SLC71A2: variants seen among roughly 807,000 people sequenced by gnomAD.
SLC71A2 encodes solute carrier family 71 member 2, also known as hippocampus abundant transcript-like 1.
chr9:94,449,807 A>G, the SLC71A2 span, among the ~76,000 whole-genome samples: 2 of 152,238 alleles, frequency 1.3e-5, no homozygotes, highest in African/African-American at 2.4e-5. Context: ...AGAAAGTAGA[A>G]TCAACTCAAA....
the SLC71A2 span, among the ~76,000 whole-genome samples, chr9:94,439,455 GTATT>G: frequency 6.6e-6 from 1 of 151,576 alleles, no homozygotes; most frequent in Non-Finnish European, 1.5e-5. Context: ...ATTTTGGTAT[GTATT>G]CCTATTGCAG....
the SLC71A2 span, among the ~76,000 whole-genome samples, chr9:94,378,303 C>A: frequency 2.6e-5 from 4 of 151,530 alleles, no homozygotes; most frequent in South Asian, 8.3e-4. Flanking sequence ...GGACAGAAGG[C>A]GAAGGGGAAG....
the SLC71A2 span, among the ~76,000 whole-genome samples, chr9:94,389,336 G>C: frequency 1.3e-5 from 2 of 151,402 alleles, no homozygotes; most frequent in Admixed American, 1.3e-4. Context: ...CGGGATCTCA[G>C]CTCGCTGCAA....
the SLC71A2 span, chr9:94,459,367 G>A: frequency 2.5e-6 from 4 of 1,614,104 alleles, no homozygotes; most frequent in Non-Finnish European, 3.4e-6. Context: ...GCATCTGGGA[G>A]CTCTCTTCAT....
At chr9:94,400,877 A>G in the SLC71A2 span, among the ~76,000 whole-genome samples, 4 of 151,888 alleles carry the variant, frequency 2.6e-5, no homozygotes, top group African/African-American at 4.8e-5. Flanking sequence ...ATTTAACCCT[A>G]CCCTCCAACT....
chr9:94,396,391 T>G, the SLC71A2 span, among the ~76,000 whole-genome samples: 1 of 152,168 alleles, frequency 6.6e-6, no homozygotes, highest in Non-Finnish European at 1.5e-5. Context: ...GGCACGCACC[T>G]GTAGTTTCAG....
At chr9:94,386,951 A>G in the SLC71A2 span, among the ~76,000 whole-genome samples, 1 of 151,970 alleles carries the variant, frequency 6.6e-6, no homozygotes, top group Non-Finnish European at 1.5e-5. Context: ...CTATCCATTT[A>G]TATTAATTTT....
At chr9:94,420,507 A>G in the SLC71A2 span, among the ~76,000 whole-genome samples, 1 of 152,222 alleles carries the variant, frequency 6.6e-6, no homozygotes, top group African/African-American at 2.4e-5. Context: ...GCTGTACTGA[A>G]AGATAATTTG....
chr9:94,397,980 G>A, the SLC71A2 span, among the ~76,000 whole-genome samples: 331 of 152,088 alleles, frequency 2.2e-3, no homozygotes, highest in African/African-American at 7.5e-3. Flanking sequence ...TGCAGCCCAC[G>A]CTTTCAGAAT....
At chr9:94,417,344 T>C in the SLC71A2 span, among the ~76,000 whole-genome samples, 23,332 of 152,098 alleles carry the variant, frequency 0.15, 1,891 homozygotes, top group Middle Eastern at 0.27. Context: ...AATGAAACTT[T>C]AGGCCGGGCG....
At chr9:94,403,565 C>G in the SLC71A2 span, among the ~76,000 whole-genome samples, 1 of 149,864 alleles carries the variant, frequency 6.7e-6, no homozygotes, top group East Asian at 2.0e-4. Context: ...TTTGTTTAAA[C>G]ATTCATAAGT....
chr9:94,422,990 G>A, the SLC71A2 span, among the ~76,000 whole-genome samples: 8 of 146,926 alleles, frequency 5.4e-5, no homozygotes, highest in African/African-American at 2.0e-4. Context: ...GCTGGAGTGT[G>A]CAGTGGTGCG....
At chr9:94,440,406 T>C in the SLC71A2 span, among the ~76,000 whole-genome samples, 1 of 152,012 alleles carries the variant, frequency 6.6e-6, no homozygotes, top group African/African-American at 2.4e-5. Context: ...GCCCACCTTT[T>C]CTCTTTAGAG....
chr9:94,430,769 T>C, the SLC71A2 span, among the ~76,000 whole-genome samples: 1 of 152,224 alleles, frequency 6.6e-6, no homozygotes, highest in Non-Finnish European at 1.5e-5. Flanking sequence ...TATTTTATTT[T>C]CACATTGAAA....
the SLC71A2 span, among the ~76,000 whole-genome samples, chr9:94,457,966 C>T: frequency 4.6e-5 from 7 of 152,132 alleles, no homozygotes; most frequent in Non-Finnish European, 1.0e-4. Flanking sequence ...GTCTGTATTC[C>T]TGACACCAGG....
At chr9:94,379,362 A>G in the SLC71A2 span, among the ~76,000 whole-genome samples, 3 of 145,422 alleles carry the variant, frequency 2.1e-5, no homozygotes, top group Admixed American at 6.9e-5. Flanking sequence ...CTGGAATTAC[A>G]GGCGTGAGCC....
the SLC71A2 span, chr9:94,440,915 CT>C: frequency 1.1e-6 from 1 of 874,138 alleles, no homozygotes; most frequent in Non-Finnish European, 1.8e-6. Context: ...TACATGATGT[CT>C]TTGGCTCAGG....
the SLC71A2 span, among the ~76,000 whole-genome samples, chr9:94,441,265 C>T: frequency 6.6e-6 from 1 of 152,164 alleles, no homozygotes; most frequent in Non-Finnish European, 1.5e-5. Context: ...CACAGTTCTG[C>T]AGGCTATAAA....
the SLC71A2 span, among the ~76,000 whole-genome samples, chr9:94,386,497 C>T: frequency 8.6e-5 from 13 of 151,000 alleles, no homozygotes; most frequent in Non-Finnish European, 1.6e-4. Flanking sequence ...ATGTTTTTTC[C>T]CTGGTTTTTG....
Sources: allele counts gnomAD v4.1 joint callset (sites outside exome capture counted in the v4.1 genomes callset), GRCh38; gene constraint gnomAD v4.1.1; transcripts MANE v1.5; gene names NCBI Gene and HGNC (gene_info 2026-07-23, HGNC 2026-07-21).